Variants in STK17B observed in about 807,000 individuals in gnomAD.
STK17B encodes the protein serine/threonine-protein kinase 17B.
A neutral mutation model predicts 42.0 loss-of-function variants in STK17B; 21 were observed. The ratio of observed to expected loss-of-function variants is 0.50; its 90% CI spans 0.35 to 0.72. STK17B has a LOEUF of 0.72. Ranked by LOEUF, STK17B falls within the 30% of genes least tolerant of loss-of-function variation. STK17B has a pLI of 0.00. For missense variants in STK17B, 349 were observed against 446.0 expected, an observed-to-expected ratio of 0.78 and a Z score of 1.96; for synonymous variants, 143 against 148.4, an observed-to-expected ratio of 0.96 and a Z score of 0.26.
chr2:196,174,111 G>C (rs1308072253), upstream of STK17B: 1 of 152,192 alleles, frequency 6.6e-6, no homozygotes, highest in African/African-American at 2.4e-5. Context: ...CTCCAGAACT[G>C]TCTGTTGTTT....
intron 1 of STK17B, among the ~76,000 whole-genome samples, chr2:196,164,415 C>G (rs908345797): frequency 6.6e-6 from 1 of 152,128 alleles, no homozygotes; most frequent in African/African-American, 2.4e-5. Flanking sequence ...ATATATGTAT[C>G]TGGAAATTTG....
chr2:196,157,593 T>C (rs1188657331), intron 2 of STK17B, among the ~76,000 whole-genome samples: 2 of 152,204 alleles, frequency 1.3e-5, no homozygotes, highest in South Asian at 2.1e-4. Flanking sequence ...AACTAAGGTA[T>C]ATGTGTCCTA....
Position 196,141,235 on chromosome 2 carries a change from TAAC to T in STK17B, c.656+11_656+13del, listed in dbSNP as rs1462530629. On this transcript the variant is annotated intron_variant, in intron 6 of 7. Transcript: ENST00000263955. ...TTTCCATAAAGATGTTTAAGGTAAC[TAAC>T]AACATCTTACCACATATCTGTTGCT... The T allele has an allele frequency of 6.3e-6, 10 of 1,597,164 alleles. No individual in the cohort carries two copies. The highest frequency in any genetic ancestry group is 8.6e-6 in the Non-Finnish European group (10 of 1,168,866).
At chr2:196,174,438 A>G (rs985284165), upstream of STK17B, 1 of 152,272 alleles carries the variant, frequency 6.6e-6, no homozygotes. Context: ...GGTTTTGCAC[A>G]GAGCAGAAGG....
chr2:196,144,278 CAGG>C (rs1699536981), intron 4 of STK17B, among the ~76,000 whole-genome samples: 1 of 151,432 alleles, frequency 6.6e-6, no homozygotes, highest in Admixed American at 6.6e-5. Flanking sequence ...ATCACGAGGT[CAGG>C]AGATCAAGAC....
chr2:196,173,974 G>A (rs1045838208), upstream of STK17B, among the ~76,000 whole-genome samples: 3 of 152,080 alleles, frequency 2.0e-5, no homozygotes, highest in Admixed American at 6.5e-5. Context: ...AAGAAATTAG[G>A]ACACATACAA....
At chr2:196,151,487 T>G (rs1323858415) in intron 3 of STK17B, 1 of 152,336 alleles carries the variant, frequency 6.6e-6, no homozygotes, top group Non-Finnish European at 1.5e-5. Flanking sequence ...CACCTTGGCC[T>G]CCCAAAGTGC....
chr2:196,140,219 G>A (rs978765143), intron 6 of STK17B, among the ~76,000 whole-genome samples: 1 of 152,226 alleles, frequency 6.6e-6, no homozygotes, highest in African/African-American at 2.4e-5. Context: ...TTTTTTCACT[G>A]CAAACCTTTT....
At chr2:196,144,526 G>C (rs78776935) in intron 4 of STK17B, among the ~76,000 whole-genome samples, 3 of 94,810 alleles carry the variant, frequency 3.2e-5, no homozygotes, top group South Asian at 3.4e-4. Context: ...AAAAAAAAAA[G>C]AACAACAGAA....
Position 196,171,455 on chromosome 2 carries a change from C to G in STK17B, c.-167G>C, listed in dbSNP as rs567845060. ...CAGCCGGGCGAGGCGCCAGGGAGCT[C>G]CGAACGTGGCAGGATCCACTTTTAC... is the stretch of plus-strand genomic sequence containing the variant. On this transcript the variant is annotated 5_prime_UTR_variant, in exon 1 of 8. Coordinates refer to ENST00000263955, the MANE Select transcript of STK17B (RefSeq NM_004226.4). 10 of 152,420 alleles carry G rather than the reference C, an allele frequency of 6.6e-5. No homozygotes were observed. Among genetic ancestry groups the G allele is most frequent in the African/African-American group, 2.2e-4 (9 of 41,582 alleles). 9.4% of individuals were successfully genotyped at this position (152,420 alleles called of 1,614,324 possible).
intron 3 of STK17B, among the ~76,000 whole-genome samples, chr2:196,149,232 C>T (rs1002859757): frequency 2.0e-5 from 3 of 150,902 alleles, no homozygotes; most frequent in Non-Finnish European, 2.9e-5. Flanking sequence ...AGTGCAATCT[C>T]TACTCACCGC....
rs1202649425 is a variant in STK17B at position 196,163,291 on chromosome 2, G to T, written c.93C>A (p.Phe31Leu). The part of the protein sequence containing the change: ...IPIKMENFNN[F>L]YILTSKELGR... The stretch of plus-strand genomic sequence containing the variant: ...CTAGCTCTTTAGATGTAAGTATATA[G>T]AAATTATTAAAGTTTTCCATTTTTA... The change falls in exon 2 of 8, where the codon TTC becomes TTA. Residue 31 changes from phenylalanine (F) to leucine (L), a missense_variant. Transcript: ENST00000263955. The T allele has an allele frequency of 2.5e-6, 4 of 1,608,094 alleles. No individual in the cohort carries two copies. Among genetic ancestry groups the T allele is most frequent in the Non-Finnish European group, 3.4e-6 (4 of 1,178,360 alleles).
chr2:196,161,494 A>C (rs1699811358), intron 2 of STK17B, among the ~76,000 whole-genome samples: 1 of 142,358 alleles, frequency 7.0e-6, no homozygotes, highest in Non-Finnish European at 1.5e-5. Flanking sequence ...TTGGTCAGTG[A>C]GGTAGATATT....
chr2:196,157,628 T>C lies in STK17B; in HGVS notation c.123-977A>G, dbSNP rs564857483. ...ACAGAAAATATTCAAAGATACTTCA[T>C]GATAAACTAAGAAAATAATGGTTAT... On this transcript the variant is annotated intron_variant, in intron 2 of 7. Coordinates refer to ENST00000263955, the MANE Select transcript of STK17B (RefSeq NM_004226.4). Among the ~76,000 whole-genome samples, 12 of 152,334 alleles carry C rather than the reference T, an allele frequency of 7.9e-5. 1 individual carries two copies. The South Asian group carries it at 2.1e-3, about 26-fold the overall frequency.
chr2:196,137,277 T>C lies in STK17B; in HGVS notation c.*170A>G. On this transcript the variant is annotated 3_prime_UTR_variant, in exon 8 of 8. Coordinates refer to ENST00000263955, the MANE Select transcript of STK17B (RefSeq NM_004226.4). Reference sequence around the variant, plus strand: ...TGCAGAGCTATCTCAGGATATGAAATCATAACATGCTAGCAACTAGTAATT... The same window carrying C: ...TGCAGAGCTATCTCAGGATATGAAACCATAACATGCTAGCAACTAGTAATT... 1 of 667,890 alleles carries C rather than the reference T, an allele frequency of 1.5e-6. No individual in the cohort carries two copies. The highest frequency in any genetic ancestry group is 2.4e-6 in the Non-Finnish European group (1 of 423,540). The allele number at this position is 667,890 out of a possible 1,614,324, so 41.4% of individuals were successfully genotyped here.
intron 4 of STK17B, among the ~76,000 whole-genome samples, chr2:196,145,146 G>A (rs1374221663): frequency 1.3e-5 from 2 of 150,368 alleles, no homozygotes; most frequent in Non-Finnish European, 2.9e-5. Context: ...CCATAGTGGG[G>A]CCCAAAACAG....
At chr2:196,170,785 C>T (rs1699929820) in intron 1 of STK17B, 1 of 152,276 alleles carries the variant, frequency 6.6e-6, no homozygotes, top group African/African-American at 2.4e-5. Flanking sequence ...GGTTTTAAAA[C>T]ACTGTTCCCA....
At chr2:196,164,343 T>C (rs1337815517) in intron 1 of STK17B, among the ~76,000 whole-genome samples, 1 of 152,184 alleles carries the variant, frequency 6.6e-6, no homozygotes, top group Non-Finnish European at 1.5e-5. Context: ...CTCAATAATT[T>C]TGTTGGAAGA....
intron 3 of STK17B, among the ~76,000 whole-genome samples, chr2:196,146,470 T>C (rs1482737455): frequency 6.6e-6 from 1 of 152,008 alleles, no homozygotes; most frequent in Admixed American, 6.6e-5. Context: ...CACCACTGCA[T>C]TCCAGCCTGA....
Sources: gnomAD v4.1 joint callset for allele counts (sites outside exome capture counted in the v4.1 genomes callset) on GRCh38, gnomAD v4.1.1 for gene constraint, MANE v1.5 for transcripts, NCBI Gene and HGNC (gene_info 2026-07-23, HGNC 2026-07-21) for gene names.